Variants in GPC1 observed in about 807,000 individuals in gnomAD.
GPC1 encodes the protein glypican 1.
In GPC1, 26 loss-of-function variants were observed where a neutral mutation model predicts 51.5. The ratio of observed to expected loss-of-function variants is 0.50; its 90% CI spans 0.37 to 0.70. The LOEUF is 0.70. GPC1 is among the 30% of genes least tolerant of loss of function. GPC1 has a pLI of 0.00. For synonymous variants in GPC1, 380 were observed against 348.3 expected, an observed-to-expected ratio of 1.09 and a Z score of -1.01; for missense variants, 775 against 800.5, an observed-to-expected ratio of 0.97 and a Z score of 0.38.
intron 1 of GPC1, chr2:240,454,719 G>A (rs1358169757): frequency 6.5e-6 from 1 of 153,352 alleles, no homozygotes; most frequent in Non-Finnish European, 1.5e-5. Context: ...GGCTGTAAAG[G>A]TGGATAAAGC....
chr2:240,466,013 G>T (rs757484536), intron 8 of GPC1, 45 bp from the exon 9 acceptor site: 3 of 1,258,434 alleles, frequency 2.4e-6, no homozygotes, highest in South Asian at 2.5e-5. Flanking sequence ...CTGCACTGGG[G>T]TCTCCTGTGG....
rs1025975754 is a variant in GPC1, at chr2:240,455,277, A to G, written c.167-3753A>G. On this transcript the variant is annotated intron_variant, in intron 1 of 8. Transcript: ENST00000264039. ...AAATCCTCAGAGCACTGGGGAAGGGAAGTGTCCCAGTGACTGAGGGAGGGG... is the reference window on the plus strand; with the variant it reads ...AAATCCTCAGAGCACTGGGGAAGGGGAGTGTCCCAGTGACTGAGGGAGGGG... Among the ~76,000 whole-genome samples the G allele has an allele frequency of 4.6e-5, 7 of 152,186 alleles. No individual in the cohort carries two copies. In the South Asian group the frequency reaches 1.0e-3, roughly 23 times the overall value.
intron 1 of GPC1, among the ~76,000 whole-genome samples, chr2:240,453,602 G>A (rs1462616697): frequency 1.8e-5 from 2 of 109,478 alleles, no homozygotes; most frequent in Admixed American, 9.4e-5. Flanking sequence ...CGCCAATCGC[G>A]GCGCCCCCCT....
At chr2:240,447,170 C>T (rs1309088651) in intron 1 of GPC1, among the ~76,000 whole-genome samples, 2 of 152,036 alleles carry the variant, frequency 1.3e-5, no homozygotes, top group Non-Finnish European at 2.9e-5. Context: ...TAAGGCTGGA[C>T]CCCAGAGCCA....
intron 4 of GPC1, chr2:240,463,822 C>A: frequency 2.4e-6 from 1 of 410,608 alleles, no homozygotes; most frequent in Non-Finnish European, 4.4e-6. Context: ...CATCGAGGAC[C>A]GGCACTTGTT....
Position 240,463,495 on chromosome 2 carries a change from A to C in GPC1, c.866A>C (p.Glu289Ala). The change falls in exon 4 of 9, where the codon GAG (glutamate) becomes GCG (alanine). Residue 289 changes from glutamate to alanine, a missense_variant. Glu to Ala is a moderately radical substitution (Grantham distance 107). Transcript: ENST00000264039. ...GCCAACCAGGCCGACCTGGACGCCG[A>C]GTGGAGGAACCTCCTGGGTGAGCCC... is the stretch of plus-strand genomic sequence containing the variant. Reference protein sequence around the residue: ...CLANQADLDAEWRNLLDSMVL... With the variant: ...CLANQADLDAAWRNLLDSMVL... 1 of 1,612,900 alleles carries C rather than the reference A, an allele frequency of 6.2e-7. No homozygotes were observed. The highest frequency in any genetic ancestry group is 1.1e-5 in the South Asian group (1 of 91,082).
chr2:240,463,568 G>C (rs2074235524), intron 4 of GPC1, 56 bp downstream of exon 4: 7 of 1,484,186 alleles, frequency 4.7e-6, no homozygotes, highest in Non-Finnish European at 6.5e-6. Flanking sequence ...GCACGACTGG[G>C]GGTCCTGGGG....
chr2:240,463,581 C>A, intron 4 of GPC1, 69 bp downstream of exon 4: 2 of 1,385,546 alleles, frequency 1.4e-6, no homozygotes, highest in Non-Finnish European at 2.0e-6. Flanking sequence ...TCCTGGGGGG[C>A]GGGTGGTCCC....
chr2:240,437,444 G>A (rs2073991307), intron 1 of GPC1, among the ~76,000 whole-genome samples: 1 of 151,822 alleles, frequency 6.6e-6, no homozygotes, highest in Non-Finnish European at 1.5e-5. Flanking sequence ...CGGATCTCCC[G>A]ATGCCCTCCC....
chr2:240,437,338 C>G (rs767040362), intron 1 of GPC1, among the ~76,000 whole-genome samples: 1 of 152,130 alleles, frequency 6.6e-6, no homozygotes, highest in Non-Finnish European at 1.5e-5. Flanking sequence ...GCCCCTTGCC[C>G]TTGGTGGATC....
rs755400678 is a variant in GPC1 at position 240,465,565 on chromosome 2, G to T, written c.1361G>T (p.Arg454Leu). Residue 454 changes from arginine (R) to leucine (L), a missense_variant, in exon 8 of 9, where the codon CGG becomes CTG. Arg to Leu is a moderately radical substitution (Grantham distance 102). Coordinates refer to ENST00000264039, the MANE Select transcript of GPC1 (RefSeq NM_002081.3). ...ATCACCAAGCCGGACATGACCATCC[G>T]GCAGCAGATCATGCAGCTGAAGATC... ...VDITKPDMTI[R>L]QQIMQLKIMT... The T allele has an allele frequency of 6.2e-7, 1 of 1,613,180 alleles. No individual in the cohort carries two copies. The highest frequency in any genetic ancestry group is 1.1e-5 in the South Asian group (1 of 91,082).
chr2:240,464,842 C>T lies in GPC1; in HGVS notation c.1015-14C>T, dbSNP rs761909902. On this transcript the variant is annotated splice_polypyrimidine_tract_variant and intron_variant, in intron 5 of 8. Coordinates refer to ENST00000264039, the MANE Select transcript of GPC1 (RefSeq NM_002081.3). ...GCCCCACTACCCCCCAAGGACCCTG[C>T]AGTGTCTCTCCAGGTCATCCAGGGC... 3 of 1,559,570 alleles carry T rather than the reference C, an allele frequency of 1.9e-6. No homozygotes were observed. Among genetic ancestry groups the T allele is most frequent in the Non-Finnish European group, 2.6e-6 (3 of 1,151,000 alleles).
intron 1 of GPC1, among the ~76,000 whole-genome samples, chr2:240,445,878 G>A (rs943150544): frequency 2.0e-4 from 30 of 152,164 alleles, no homozygotes; most frequent in African/African-American, 6.3e-4. Flanking sequence ...TATTAGGCCC[G>A]TTGCGGCTCC....
In GPC1 at chr2:240,466,373, T is replaced by C. The variant is rs2151797836; in HGVS notation, c.*83T>C. On this transcript the variant is annotated 3_prime_UTR_variant, in exon 9 of 9. Coordinates refer to ENST00000264039, the MANE Select transcript of GPC1 (RefSeq NM_002081.3). ...AGACGATATTTAATTCACCTCAGCCTGGAGAGGCCTGGGGTGGGACAGGGA... is the reference window on the plus strand; with the variant it reads ...AGACGATATTTAATTCACCTCAGCCCGGAGAGGCCTGGGGTGGGACAGGGA... 1 of 798,564 alleles carries C rather than the reference T, an allele frequency of 1.3e-6. No homozygotes were observed. The highest frequency in any genetic ancestry group is 2.2e-5 in the Admixed American group (1 of 45,588). The allele number at this position is 798,564 out of a possible 1,614,324, so 49.5% of individuals were successfully genotyped here.
In GPC1 at chr2:240,436,062, C is replaced by A; in HGVS notation, c.144C>A (p.Asp48Glu). 7.5e-7 allele frequency: 1 copy of A among 1,327,338 alleles called. No individual in the cohort carries two copies. The highest frequency in any genetic ancestry group is 9.6e-7 in the Non-Finnish European group (1 of 1,036,698). The allele number at this position is 1,327,338 out of a possible 1,614,324, so 82.2% of individuals were successfully genotyped here. The stretch of plus-strand genomic sequence containing the variant: ...GAGCCAAGGGCTTCAGCCTGAGCGA[C>A]GTGCCCCAGGCGGAGATCTCGGGTG... ...IYGAKGFSLSDVPQAEISGEH... is the reference protein window; with the variant it reads ...IYGAKGFSLSEVPQAEISGEH... The change falls in exon 1 of 9, where the codon GAC becomes GAA. Residue 48 changes from aspartate (D) to glutamate (E), a missense_variant. Transcript: ENST00000264039.
Position 240,467,664 on chromosome 2 carries a change from T to G in GPC1, c.*1374T>G, listed in dbSNP as rs2074276457. On this transcript the variant is annotated 3_prime_UTR_variant, in exon 9 of 9. Transcript: ENST00000264039. ...TGACCCTGAGGAGGCCGCTTAGTGC[T>G]GCTTTGCTTTTCATCACCGTCCCGC... The G allele has an allele frequency of 6.6e-6, 1 of 152,338 alleles. No individual in the cohort carries two copies. The highest frequency in any genetic ancestry group is 2.4e-5 in the African/African-American group (1 of 41,448). The allele number at this position is 152,338 out of a possible 1,614,324, so 9.4% of individuals were successfully genotyped here.
At chr2:240,463,312 C>T (rs748710451) in intron 3 of GPC1, 35 bp from the exon 4 acceptor site, 1 of 1,600,720 alleles carries the variant, frequency 6.2e-7, no homozygotes, top group South Asian at 1.1e-5. Flanking sequence ...ACCCCCAGGG[C>T]CTCGGGGCCT....
At position 240,466,400 on chromosome 2, in the gene GPC1, G is replaced by A; in HGVS notation, c.*110G>A. ...GAGAGGCCTGGGGTGGGACAGGGAG[G>A]GCCGGCGGCTCTGAGCAGGGGCAGG... On this transcript the variant is annotated 3_prime_UTR_variant, in exon 9 of 9. Coordinates refer to ENST00000264039, the MANE Select transcript of GPC1 (RefSeq NM_002081.3). The A allele has an allele frequency of 1.5e-6, 1 of 668,958 alleles. No individual in the cohort carries two copies. Among genetic ancestry groups the A allele is most frequent in the Non-Finnish European group, 2.6e-6 (1 of 383,492 alleles). 41.4% of individuals were successfully genotyped at this position (668,958 alleles called of 1,614,324 possible).
Position 240,440,892 on chromosome 2 carries a change from G to A in GPC1, c.166+4808G>A, listed in dbSNP as rs114078723. Among the ~76,000 whole-genome samples, 1,455 of 152,378 alleles carry A rather than the reference G, an allele frequency of 9.5e-3. 32 individuals are homozygous for A. The highest frequency in any genetic ancestry group is 0.033 in the African/African-American group (1,377 of 41,590). On this transcript the variant is annotated intron_variant, in intron 1 of 8. Coordinates refer to ENST00000264039, the MANE Select transcript of GPC1 (RefSeq NM_002081.3). ...ACCCTCCGGCCTGGCTCCACTGCCT[G>A]TGGGGGGCAGGACTGCTAGGAGGGC...
Sources: allele counts gnomAD v4.1 joint callset (sites outside exome capture counted in the v4.1 genomes callset), GRCh38; gene constraint gnomAD v4.1.1; transcripts MANE v1.5; gene names NCBI Gene and HGNC (gene_info 2026-07-23, HGNC 2026-07-21).